DUSP10: variants seen among roughly 807,000 people sequenced by gnomAD.
The protein encoded by DUSP10 is dual specificity phosphatase 10.
Under a neutral mutation model 30.8 loss-of-function variants are expected in DUSP10, and 14 were observed. The ratio of observed to expected loss-of-function variants is 0.46; its 90% CI spans 0.30 to 0.71. The LOEUF is 0.71. Among genes scored for constraint, DUSP10 ranks in the 30% least tolerant of loss-of-function variants. The probability of loss-of-function intolerance (pLI) is 0.08; values close to 1 mark genes in which losing one functional copy is unlikely to be tolerated. For missense variants in DUSP10, 550 were observed against 619.4 expected, an observed-to-expected ratio of 0.89 and a Z score of 1.19; for synonymous variants, 254 against 250.4, an observed-to-expected ratio of 1.01 and a Z score of -0.14.
chr1:221,709,170 T>G (rs1258918125), intron 2 of DUSP10, among the ~76,000 whole-genome samples: 21 of 152,128 alleles, frequency 1.4e-4, no homozygotes, highest in Admixed American at 1.4e-3. Flanking sequence ...TACAATGACA[T>G]CAGTTGGCAT....
chr1:221,726,774 T>A (rs956652072), intron 2 of DUSP10, among the ~76,000 whole-genome samples: 2 of 151,776 alleles, frequency 1.3e-5, no homozygotes, highest in African/African-American at 2.4e-5. Context: ...TCCAAACTTT[T>A]AAACAAAAAG....
intron 2 of DUSP10, among the ~76,000 whole-genome samples, chr1:221,726,079 G>A (rs1273199405): frequency 6.6e-6 from 1 of 152,198 alleles, no homozygotes; most frequent in Non-Finnish European, 1.5e-5. Context: ...ATCAAGACCT[G>A]TGGTCAAGGA....
At chr1:221,729,545 A>G (rs1278225106) in intron 2 of DUSP10, among the ~76,000 whole-genome samples, 1 of 152,244 alleles carries the variant, frequency 6.6e-6, no homozygotes, top group Non-Finnish European at 1.5e-5. Context: ...CCTGAGCTAT[A>G]AAAGTCAGGA....
At chr1:221,724,322 C>T (rs367579963) in intron 2 of DUSP10, among the ~76,000 whole-genome samples, 1 of 139,304 alleles carries the variant, frequency 7.2e-6, no homozygotes, top group East Asian at 2.0e-4. Flanking sequence ...ACATGGAATT[C>T]AGGCTACTAT....
chr1:221,716,011 TCTCC>T (rs1363659650), intron 2 of DUSP10, among the ~76,000 whole-genome samples: 1 of 69,244 alleles, frequency 1.4e-5, no homozygotes, highest in South Asian at 5.5e-4. Flanking sequence ...TCCCCTCCCC[TCTCC>T]CTCTTCTCTC....
At chr1:221,712,026 C>T (rs1360931863) in intron 2 of DUSP10, among the ~76,000 whole-genome samples, 1 of 152,160 alleles carries the variant, frequency 6.6e-6, no homozygotes, top group Non-Finnish European at 1.5e-5. Context: ...ACAGGAGAAA[C>T]ATGTGGGGTG....
chr1:221,723,133 C>T lies in DUSP10; in HGVS notation c.811+15801G>A, dbSNP rs140801503. Among the ~76,000 whole-genome samples the T allele has an allele frequency of 2.7e-3, 411 of 152,282 alleles. 1 individual carries two copies. Among genetic ancestry groups the T allele is most frequent in the African/African-American group, 8.7e-3 (363 of 41,560 alleles). ...GGCCAACACATATGTTTGTCACCACCGCTAACATGATGCCAACTGGGAGAT... is the reference window on the plus strand; with the variant it reads ...GGCCAACACATATGTTTGTCACCACTGCTAACATGATGCCAACTGGGAGAT... On this transcript the variant is annotated intron_variant, in intron 2 of 3. Transcript: ENST00000366899.
Position 221,742,045 on chromosome 1 carries a change from GC to G in DUSP10, c.-109del, listed in dbSNP as rs1276389331. On this transcript the variant is annotated 5_prime_UTR_variant, in exon 1 of 4. It introduces an in-frame stop codon into an upstream open reading frame of the 5' UTR. Transcript: ENST00000366899. ...CTTCAGCTATGGACTCGCACATTCA[GC>G]CCCCATTCACTCGGCTTCATTGATC... 2 of 152,270 alleles carry G rather than the reference GC, an allele frequency of 1.3e-5. No homozygotes were observed. Among genetic ancestry groups the G allele is most frequent in the Non-Finnish European group, 2.9e-5 (2 of 68,122 alleles). 9.4% of individuals were successfully genotyped at this position (152,270 alleles called of 1,614,324 possible).
intron 2 of DUSP10, among the ~76,000 whole-genome samples, chr1:221,709,824 G>A (rs568692051): frequency 1.3e-5 from 2 of 152,192 alleles, no homozygotes; most frequent in South Asian, 4.1e-4. Context: ...ACTTTCCTCC[G>A]ACCCTACCCC....
At chr1:221,740,145 A>G (rs1661907463) in intron 1 of DUSP10, among the ~76,000 whole-genome samples, 1 of 152,240 alleles carries the variant, frequency 6.6e-6, no homozygotes, top group Non-Finnish European at 1.5e-5. Context: ...TCTATTCTGA[A>G]CCTCAGCTCT....
chr1:221,729,037 G>A (rs543373773), intron 2 of DUSP10, among the ~76,000 whole-genome samples: 2 of 152,146 alleles, frequency 1.3e-5, no homozygotes, highest in Admixed American at 6.5e-5. Context: ...GAACCTCTCC[G>A]AGTTTCAGTC....
At chr1:221,704,736 A>G (rs555947033) in intron 3 of DUSP10, among the ~76,000 whole-genome samples, 1 of 152,310 alleles carries the variant, frequency 6.6e-6, no homozygotes, top group South Asian at 2.1e-4. Flanking sequence ...AATTCCTATG[A>G]CCTTGAAGAA....
At chr1:221,722,594 T>C (rs534968512) in intron 2 of DUSP10, among the ~76,000 whole-genome samples, 1 of 152,344 alleles carries the variant, frequency 6.6e-6, no homozygotes, top group South Asian at 2.1e-4. Context: ...CAAAATCTTG[T>C]TTTATTCCTA....
chr1:221,703,921 C>T (rs1362323583), intron 3 of DUSP10, among the ~76,000 whole-genome samples: 1 of 152,180 alleles, frequency 6.6e-6, no homozygotes, highest in Admixed American at 6.5e-5. Context: ...GTTTACTTCT[C>T]ATAGTCAACA....
At chr1:221,728,817 AC>A (rs890061455) in intron 2 of DUSP10, among the ~76,000 whole-genome samples, 3 of 152,170 alleles carry the variant, frequency 2.0e-5, no homozygotes, top group African/African-American at 7.2e-5. Flanking sequence ...TTGTACTTGT[AC>A]TTTTCTTTAC....
rs775908909 is a variant in DUSP10, at chr1:221,702,517, G to A, written c.1344C>T (p.Asn448=). Residue 448 remains asparagine (N), a synonymous_variant, in exon 4 of 4, where the codon AAC becomes AAT. Transcript: ENST00000366899. The surrounding 1 kb of genome is among the most constrained non-coding windows in gnomAD (Gnocchi z 4.5). ...VKGKRPIISP[N]LNFMGQLLEF... ...CTAGCAACTGCCCCATGAAGTTAAG[G>A]TTTGGGGAGATAATTGGTCGTTTGC... 46 of 1,614,024 alleles carry A rather than the reference G, an allele frequency of 2.9e-5. No homozygotes were observed. Among genetic ancestry groups the A allele is most frequent in the Non-Finnish European group, 3.7e-5 (44 of 1,180,032 alleles).
chr1:221,716,233 G>A (rs533622846), intron 2 of DUSP10, among the ~76,000 whole-genome samples: 1 of 152,196 alleles, frequency 6.6e-6, no homozygotes, highest in African/African-American at 2.4e-5. Flanking sequence ...TGGGAAGAGT[G>A]ATTGAGCACT....
At chr1:221,717,090 G>A (rs369279774) in intron 2 of DUSP10, among the ~76,000 whole-genome samples, 4 of 152,126 alleles carry the variant, frequency 2.6e-5, no homozygotes, top group East Asian at 1.9e-4. Flanking sequence ...AACGGAAGAC[G>A]CTGTCCAGTT....
At position 221,706,080 on chromosome 1, in the gene DUSP10, A is replaced by G; in HGVS notation, c.1183+15T>C. 2 of 1,607,660 alleles carry G rather than the reference A, an allele frequency of 1.2e-6. No individual in the cohort carries two copies. Among genetic ancestry groups the G allele is most frequent in the Non-Finnish European group, 1.7e-6 (2 of 1,175,946 alleles). On this transcript the variant is annotated intron_variant, in intron 3 of 3. Transcript: ENST00000366899. This position sits in a 1 kb window ranked among gnomAD's most constrained non-coding sequence, Gnocchi z 4.6. ...GGAAGGCAGCGGATGAAAATTCCCT[A>G]TGGGAGATAGTTACCAATGAACTCA...
Sources: gnomAD v4.1 joint callset for allele counts (sites outside exome capture counted in the v4.1 genomes callset) on GRCh38, gnomAD v4.1.1 for gene constraint, Gnocchi (gnomAD v3.1) non-coding constraint, MANE v1.5 for transcripts, NCBI Gene and HGNC (gene_info 2026-07-23, HGNC 2026-07-21) for gene names.